The following COL5A2 variants were observed in gnomAD, a reference collection of about 807,000 sequenced individuals.
The protein encoded by COL5A2 is collagen alpha-2(V) chain.
COL5A2 carries 23 observed loss-of-function variants against 208.2 expected under a neutral mutation model. The observed-to-expected ratio is 0.11, with a 90% confidence interval of 0.08 to 0.16. The LOEUF is 0.16. COL5A2 is among the 10% of genes least tolerant of loss of function. The pLI is 1.00. For missense variants in COL5A2, 1,590 were observed against 1,956.4 expected (o/e 0.81, Z 3.53); for synonymous variants, 625 against 628.5 (o/e 0.99, Z 0.08).
chr2:189,425,230 A>T, the COL5A2 span, among the ~76,000 whole-genome samples: 1 of 152,238 alleles, frequency 6.6e-6, no homozygotes, highest in Non-Finnish European at 1.5e-5. Context: ...AAGAAAAGGA[A>T]ATTCTTGCAC....
chr2:189,059,245 A>G (rs1031216221), intron 31 of COL5A2, among the ~76,000 whole-genome samples: 96 of 152,258 alleles, frequency 6.3e-4, no homozygotes, highest in Non-Finnish European at 1.2e-3. Context: ...AAGTTTAAAT[A>G]AAGAAAAGTT....
chr2:189,309,355 T>C, the COL5A2 span, among the ~76,000 whole-genome samples: 1 of 152,206 alleles, frequency 6.6e-6, no homozygotes, highest in East Asian at 1.9e-4. Context: ...GTTTAACTGA[T>C]ATACGACCTT....
intron 26 of COL5A2, among the ~76,000 whole-genome samples, 155 bp from the exon 27 acceptor site, chr2:189,063,425 T>G (rs1487202056): frequency 6.6e-6 from 1 of 152,232 alleles, no homozygotes; most frequent in Non-Finnish European, 1.5e-5. Context: ...ATGGGTTTTT[T>G]AAAAAACACT....
the COL5A2 span, among the ~76,000 whole-genome samples, chr2:189,258,138 A>C: frequency 7.2e-5 from 11 of 152,152 alleles, no homozygotes; most frequent in South Asian, 2.1e-4. Flanking sequence ...AAAATAAAAA[A>C]TAAATACACC....
intron 1 of COL5A2, among the ~76,000 whole-genome samples, chr2:189,116,890 G>A (rs1329086192): frequency 6.6e-6 from 1 of 152,072 alleles, no homozygotes; most frequent in East Asian, 1.9e-4. Context: ...CTGAAAAATT[G>A]AAAAGGAGAT....
At chr2:189,216,402 C>G (rs1559148157) in intron 1 of COL5A2, among the ~76,000 whole-genome samples, 1 of 151,988 alleles carries the variant, frequency 6.6e-6, no homozygotes, top group Non-Finnish European at 1.5e-5. Flanking sequence ...CTCACTAACT[C>G]ATTCATTCAA....
chr2:189,081,660 A>G (rs541561914), intron 12 of COL5A2, among the ~76,000 whole-genome samples: 8 of 152,322 alleles, frequency 5.3e-5, no homozygotes, highest in Non-Finnish European at 7.4e-5. Flanking sequence ...ATGAATAAAC[A>G]AAATATCCAA....
intron 1 of COL5A2, among the ~76,000 whole-genome samples, chr2:189,194,244 T>C (rs777350020): frequency 7.2e-5 from 11 of 152,194 alleles, no homozygotes; most frequent in African/African-American, 2.7e-4. Flanking sequence ...CCATTTCTCA[T>C]CTACATTTTT....
At chr2:189,039,113 G>T (rs559726286) in intron 51 of COL5A2, among the ~76,000 whole-genome samples, 159 bp downstream of exon 51, 6 of 152,138 alleles carry the variant, frequency 3.9e-5, no homozygotes, top group Admixed American at 3.9e-4. Flanking sequence ...TCACAAAATT[G>T]ACTGTTTCCA....
At chr2:189,186,485 G>T (rs570310648) in intron 1 of COL5A2, among the ~76,000 whole-genome samples, 1 of 152,082 alleles carries the variant, frequency 6.6e-6, no homozygotes, top group Non-Finnish European at 1.5e-5. Context: ...AAATCAACAC[G>T]GTGGGGTAAG....
the COL5A2 span, among the ~76,000 whole-genome samples, chr2:189,429,013 G>A: frequency 1.8e-4 from 27 of 152,144 alleles, no homozygotes; most frequent in African/African-American, 6.0e-4. Context: ...CAATCAGGCC[G>A]GAAGAATAAA....
At chr2:189,301,757 T>G in the COL5A2 span, among the ~76,000 whole-genome samples, 1 of 152,214 alleles carries the variant, frequency 6.6e-6, no homozygotes, top group South Asian at 2.1e-4. Flanking sequence ...TCTCCACATT[T>G]ATTTGACATA....
the COL5A2 span, among the ~76,000 whole-genome samples, chr2:189,283,010 C>T: frequency 6.6e-6 from 1 of 152,236 alleles, no homozygotes; most frequent in South Asian, 2.1e-4. Context: ...ATATAAGCAA[C>T]ATTCAATCAC....
the COL5A2 span, among the ~76,000 whole-genome samples, chr2:189,276,938 T>C: frequency 6.6e-6 from 1 of 152,154 alleles, no homozygotes; most frequent in African/African-American, 2.4e-5. Flanking sequence ...CTTATTTTGC[T>C]AATTTAGAAA....
the COL5A2 span, among the ~76,000 whole-genome samples, chr2:189,363,508 C>T: frequency 1.3e-5 from 2 of 151,948 alleles, no homozygotes; most frequent in Non-Finnish European, 2.9e-5. Context: ...AGGATAAACC[C>T]TATTTGATTA....
At chr2:189,333,378 T>C in the COL5A2 span, among the ~76,000 whole-genome samples, 3 of 152,128 alleles carry the variant, frequency 2.0e-5, no homozygotes, top group Non-Finnish European at 4.4e-5. Context: ...AAGAGGGACA[T>C]CACCTCAAAG....
chr2:189,295,034 C>G, the COL5A2 span, among the ~76,000 whole-genome samples: 8 of 151,914 alleles, frequency 5.3e-5, no homozygotes, highest in Admixed American at 3.3e-4. Context: ...GTTTTGAACT[C>G]CTGGGCTCAA....
In COL5A2 at chr2:189,085,777, A is replaced by G; in HGVS notation, c.691-5T>C. ...TCCTGTAGGTCCTGCACCACCCTAC[A>G]GTTGAAAACAAAGTATATATACAAA... On this transcript the variant is annotated splice_region_variant and splice_polypyrimidine_tract_variant and intron_variant, in intron 9 of 53. Transcript: ENST00000374866. 1 of 1,611,258 alleles carries G rather than the reference A, an allele frequency of 6.2e-7. No individual in the cohort carries two copies. The highest frequency in any genetic ancestry group is 8.5e-7 in the Non-Finnish European group (1 of 1,177,562).
chr2:189,316,331 C>G, the COL5A2 span, among the ~76,000 whole-genome samples: 1 of 152,040 alleles, frequency 6.6e-6, no homozygotes, highest in African/African-American at 2.4e-5. Context: ...AGCTGGAGGC[C>G]ATTATCCTTA....
Sources: gnomAD v4.1 joint callset for allele counts (sites outside exome capture counted in the v4.1 genomes callset) on GRCh38, gnomAD v4.1.1 for gene constraint, MANE v1.5 for transcripts, NCBI Gene and HGNC (gene_info 2026-07-23, HGNC 2026-07-21) for gene names.